MKKS: variants seen among roughly 807,000 people sequenced by gnomAD.
The protein encoded by MKKS is molecular chaperone MKKS.
Under a neutral mutation model 33.2 loss-of-function variants are expected in MKKS, and 29 were observed. That is an observed-to-expected ratio of 0.87 (90% CI 0.65 to 1.19). The LOEUF is 1.19. Among genes scored for constraint, MKKS ranks in the 50% most tolerant of loss-of-function variants. The pLI is 0.00. For missense variants in MKKS, 661 were observed against 662.3 expected (o/e 1.00, Z 0.02); for synonymous variants, 260 against 244.0 (o/e 1.07, Z -0.61).
At chr20:10,425,245 T>G (rs1018396077) in intron 1 of MKKS, among the ~76,000 whole-genome samples, 1 of 152,138 alleles carries the variant, frequency 6.6e-6, no homozygotes, top group African/African-American at 2.4e-5. Context: ...AGAATATAAA[T>G]CTCCATTATC....
At position 10,402,175 on chromosome 20, in the gene MKKS, A is replaced by G. The variant is rs2064814390; in HGVS notation, c.*3072T>C. On this transcript the variant is annotated 3_prime_UTR_variant, in exon 6 of 6. Coordinates refer to ENST00000347364, the MANE Select transcript of MKKS (RefSeq NM_170784.3). The stretch of plus-strand genomic sequence containing the variant: ...ACTCTCCCTTTCCTTTTCCACAGCG[A>G]TCACGGTTTCCCATTCTCTCTCCTG... The G allele has an allele frequency of 6.6e-6, 1 of 152,212 alleles. No individual in the cohort carries two copies. Among genetic ancestry groups the G allele is most frequent in the South Asian group, 2.1e-4 (1 of 4,822 alleles). The allele number at this position is 152,212 out of a possible 1,614,324, so 9.4% of individuals were successfully genotyped here. A position where few individuals can be genotyped will look rare whatever the true frequency, so the allele number is the denominator to read the frequency against.
chr20:10,415,946 G>A (rs1364293308), intron 2 of MKKS, among the ~76,000 whole-genome samples: 1 of 151,506 alleles, frequency 6.6e-6, no homozygotes, highest in African/African-American at 2.4e-5. Context: ...GTGGTCACAG[G>A]TCTAGACCTG....
intron 1 of MKKS, among the ~76,000 whole-genome samples, chr20:10,432,996 C>T (rs1388120701): frequency 1.3e-5 from 2 of 151,996 alleles, no homozygotes; most frequent in African/African-American, 4.8e-5. Flanking sequence ...ATCTTTTTTC[C>T]CCCAGAATGT....
rs141724846 is a variant in MKKS at position 10,406,480 on chromosome 20, G to T, written c.1273-793C>A. 1.6e-3 allele frequency among the ~76,000 whole-genome samples: 242 copies of T among 152,258 alleles called. 1 individual carries two copies. Among genetic ancestry groups the T allele is most frequent in the Middle Eastern group, 0.014 (4 of 294 alleles). On this transcript the variant is annotated intron_variant, in intron 5 of 5. Coordinates refer to ENST00000347364, the MANE Select transcript of MKKS (RefSeq NM_170784.3). ...ATTCAGTACAGTAATATGCTGTAAG[G>T]GTTTGTAGCCTAGGAGCAATAGGCT...
At chr20:10,417,231 G>C (rs993883689) in intron 2 of MKKS, among the ~76,000 whole-genome samples, 1 of 132,978 alleles carries the variant, frequency 7.5e-6, no homozygotes, top group Non-Finnish European at 1.6e-5. Flanking sequence ...GGGTGACAGA[G>C]TGAGACTCCA....
intron 1 of MKKS, among the ~76,000 whole-genome samples, chr20:10,428,875 C>G (rs1029805415): frequency 1.3e-5 from 2 of 152,002 alleles, no homozygotes; most frequent in African/African-American, 4.8e-5. Context: ...AACTCCTTGC[C>G]TGCTGTCAGA....
At chr20:10,418,671 T>G (rs931994885) in intron 2 of MKKS, among the ~76,000 whole-genome samples, 5 of 152,154 alleles carry the variant, frequency 3.3e-5, no homozygotes, top group Non-Finnish European at 5.9e-5. Flanking sequence ...AGCTCTATTT[T>G]TCCTCCAAGA....
intron 1 of MKKS, among the ~76,000 whole-genome samples, chr20:10,425,819 C>T (rs1414311198): frequency 1.3e-5 from 2 of 152,132 alleles, no homozygotes; most frequent in Non-Finnish European, 2.9e-5. Flanking sequence ...CCCTTCCTTA[C>T]CCTCTAATGT....
intron 1 of MKKS, among the ~76,000 whole-genome samples, chr20:10,423,823 T>G (rs2064997118): frequency 6.6e-6 from 1 of 152,254 alleles, no homozygotes. Flanking sequence ...GTATCTATTT[T>G]AACTGAAAAC....
chr20:10,417,978 G>A (rs1249374537), intron 2 of MKKS, among the ~76,000 whole-genome samples: 1 of 152,126 alleles, frequency 6.6e-6, no homozygotes, highest in Admixed American at 6.5e-5. Context: ...AATGCAATAC[G>A]TAGACCTTGT....
chr20:10,418,901 T>C (rs888094811), intron 2 of MKKS, among the ~76,000 whole-genome samples: 1 of 152,164 alleles, frequency 6.6e-6, no homozygotes, highest in Non-Finnish European at 1.5e-5. Context: ...ATATTAAAAC[T>C]CTTCCTATAA....
Position 10,407,642 on chromosome 20 carries a change from G to A in MKKS, c.1246C>T (p.His416Tyr), listed in dbSNP as rs148800011. The A allele has an allele frequency of 6.2e-7, 1 of 1,613,938 alleles. No homozygotes were observed. The highest frequency in any genetic ancestry group is 8.5e-7 in the Non-Finnish European group (1 of 1,179,848). The change falls in exon 5 of 6, where the codon CAT (histidine) becomes TAT (tyrosine). Residue 416 changes from histidine (H) to tyrosine (Y), a missense_variant. His to Tyr is a moderately conservative substitution (Grantham distance 83, BLOSUM62 2). Coordinates refer to ENST00000347364, the MANE Select transcript of MKKS (RefSeq NM_170784.3). Reference sequence around the variant, plus strand: ...TTGTGTCTGATATATGCAGCCAAATGAGTTTCAGTACAGCCACCTCCCAAC... The same window carrying A: ...TTGTGTCTGATATATGCAGCCAAATAAGTTTCAGTACAGCCACCTCCCAAC... The part of the protein sequence containing the change: ...ALLGGGCTET[H>Y]LAAYIRHKTH...
At chr20:10,422,539 G>C (rs1254981137) in intron 1 of MKKS, among the ~76,000 whole-genome samples, 1 of 152,108 alleles carries the variant, frequency 6.6e-6, no homozygotes, top group African/African-American at 2.4e-5. Flanking sequence ...TTATAGGAGG[G>C]ACAGAGGCTG....
At chr20:10,407,370 A>T (rs1318126298) in intron 5 of MKKS, among the ~76,000 whole-genome samples, 1 of 152,136 alleles carries the variant, frequency 6.6e-6, no homozygotes, top group African/African-American at 2.4e-5. Flanking sequence ...TGTAATAAGG[A>T]TATTACCTTA....
chr20:10,424,732 C>A (rs1427296140), intron 1 of MKKS, among the ~76,000 whole-genome samples: 1 of 151,812 alleles, frequency 6.6e-6, no homozygotes, highest in East Asian at 1.9e-4. Context: ...TTTTTTTCTT[C>A]TTAGTTCCTC....
rs1346444754 is a variant in MKKS at position 10,408,631 on chromosome 20, C to T, written c.1158G>A (p.Leu386=). The T allele has an allele frequency of 6.2e-7, 1 of 1,613,986 alleles. No homozygotes were observed. The highest frequency in any genetic ancestry group is 8.5e-7 in the Non-Finnish European group (1 of 1,179,908). ...CNRNDTAWDE[L]KLTCQTALHV... ...GAATTCAAAGTTCATTACCTACCTT[C>T]AGCTCATCCCAGGCAGTGTCATTTC... The change falls in exon 4 of 6, where the codon CTG becomes CTA. Residue 386 remains leucine, a synonymous_variant. Transcript: ENST00000347364.
intron 1 of MKKS, among the ~76,000 whole-genome samples, chr20:10,428,202 T>C (rs1045180555): frequency 1.3e-5 from 2 of 152,164 alleles, no homozygotes; most frequent in African/African-American, 4.8e-5. Context: ...GTTTATAGAG[T>C]TGTCTGAGAA....
chr20:10,421,432 A>AG (rs1355931367), intron 1 of MKKS, among the ~76,000 whole-genome samples: 4 of 147,012 alleles, frequency 2.7e-5, no homozygotes, highest in African/African-American at 1.0e-4. Flanking sequence ...AAAAAAAAAA[A>AG]AAATTACATT....
In MKKS at chr20:10,405,422, A is replaced by C; in HGVS notation, c.1538T>G (p.Leu513Ter). The change falls in exon 6 of 6, where the codon TTA becomes TGA. Residue 513 changes from leucine to a stop codon, truncating the protein, a stop_gained. Transcript: ENST00000347364. LOFTEE classifies it high-confidence loss of function. ...NSQEELNWSF[L>*]RSTRRPFVPQ... Reference sequence around the variant, plus strand: ...CACAAATGGACGACGTGTGCTTCTTAAGAAAGACCAGTTGAGTTCTTCCTG... The same window carrying C: ...CACAAATGGACGACGTGTGCTTCTTCAGAAAGACCAGTTGAGTTCTTCCTG... 2 of 1,614,176 alleles carry C rather than the reference A, an allele frequency of 1.2e-6. No homozygotes were observed.
Sources: allele counts gnomAD v4.1 joint callset (sites outside exome capture counted in the v4.1 genomes callset), GRCh38; gene constraint gnomAD v4.1.1; transcripts MANE v1.5; gene names NCBI Gene and HGNC (gene_info 2026-07-23, HGNC 2026-07-21).